MSL2: variants seen among roughly 807,000 people sequenced by gnomAD.
The protein encoded by MSL2 is E3 ubiquitin-protein ligase MSL2.
In MSL2, 2 loss-of-function variants were observed where a neutral mutation model predicts 35.8. The ratio of observed to expected loss-of-function variants is 0.06; its 90% CI spans 0.02 to 0.18. The LOEUF (loss-of-function observed/expected upper bound fraction) is 0.18. MSL2 is among the 10% of genes least tolerant of loss of function. The probability of loss-of-function intolerance (pLI) is 1.00; values close to 1 mark genes in which losing one functional copy is unlikely to be tolerated. For missense variants in MSL2, 523 were observed against 706.7 expected, an observed-to-expected ratio of 0.74 and a Z score of 2.95; for synonymous variants, 296 against 255.7, an observed-to-expected ratio of 1.16 and a Z score of -1.50.
At chr3:136,194,035 G>A (rs1046674769) in intron 1 of MSL2, among the ~76,000 whole-genome samples, 2 of 152,196 alleles carry the variant, frequency 1.3e-5, no homozygotes, top group African/African-American at 2.4e-5. Context: ...AAACCTTAAC[G>A]TGCCTGAATT....
At chr3:136,167,117 A>T (rs1204843821) in intron 1 of MSL2, among the ~76,000 whole-genome samples, 1 of 152,194 alleles carries the variant, frequency 6.6e-6, no homozygotes, top group Non-Finnish European at 1.5e-5. Flanking sequence ...ATTTGTTAAC[A>T]ACTAAAAATA....
intron 1 of MSL2, among the ~76,000 whole-genome samples, chr3:136,193,290 A>G (rs1940741308): frequency 6.6e-6 from 1 of 152,290 alleles, no homozygotes; most frequent in African/African-American, 2.4e-5. Flanking sequence ...GTTTTAGGAT[A>G]GTGGTGGTCT....
chr3:136,160,954 G>A (rs529237666), intron 1 of MSL2, among the ~76,000 whole-genome samples: 6 of 151,810 alleles, frequency 4.0e-5, no homozygotes, highest in Non-Finnish European at 5.9e-5. Context: ...AGGCATGGTG[G>A]TGCATGCCTG....
chr3:136,152,641 G>A lies in MSL2; in HGVS notation c.240C>T (p.Ser80=), dbSNP rs201226449. The A allele has an allele frequency of 2.5e-6, 4 of 1,614,190 alleles. No individual in the cohort carries two copies. The East Asian group carries it at 6.7e-5, about 27-fold the overall frequency. The change falls in exon 2 of 2, where the codon TCC becomes TCT. Residue 80 remains serine (S), a synonymous_variant. Transcript: ENST00000309993. ...CKGKKMMMKP[S]CSWCKDYEQF... is the part of the protein sequence containing the mutation. ...GCTCATAGTCTTTGCACCAGCTACA[G>A]GAAGGTTTCATCATCATTTTCTTGC...
In MSL2 at chr3:136,161,673, G is replaced by C. The variant is rs904987118; in HGVS notation, c.143-8935C>G. 1.8e-4 allele frequency among the ~76,000 whole-genome samples: 27 copies of C among 152,188 alleles called. 1 individual carries two copies. The highest frequency in any genetic ancestry group is 1.8e-4 in the Non-Finnish European group (12 of 68,038). On this transcript the variant is annotated intron_variant, in intron 1 of 1. Coordinates refer to ENST00000309993, the MANE Select transcript of MSL2 (RefSeq NM_018133.4). ...GAAATGATAGGAAAGCAGAAAAACA[G>C]TGGTTGCCTAGGGCTGAGAGTGGAG...
chr3:136,188,281 C>T (rs1940578882), intron 1 of MSL2, among the ~76,000 whole-genome samples: 1 of 151,870 alleles, frequency 6.6e-6, no homozygotes, highest in Non-Finnish European at 1.5e-5. Context: ...TAAAAATACA[C>T]TAATTAGCTA....
chr3:136,193,925 T>G (rs895089528), intron 1 of MSL2, among the ~76,000 whole-genome samples: 1 of 152,336 alleles, frequency 6.6e-6, no homozygotes, highest in Admixed American at 6.5e-5. Flanking sequence ...AGGATCTAGA[T>G]AGAGAATGCT....
chr3:136,170,893 A>T (rs1940006001), intron 1 of MSL2, among the ~76,000 whole-genome samples: 1 of 152,250 alleles, frequency 6.6e-6, no homozygotes, highest in African/African-American at 2.4e-5. Flanking sequence ...AATTTATAAA[A>T]GGAGGTAAAA....
chr3:136,171,639 T>C (rs928808181), intron 1 of MSL2, among the ~76,000 whole-genome samples: 2 of 152,148 alleles, frequency 1.3e-5, no homozygotes, highest in Non-Finnish European at 2.9e-5. Flanking sequence ...GTCTGACAAA[T>C]TTTGAGTAAA....
At chr3:136,194,942 T>C (rs1428377865) in intron 1 of MSL2, 30 bp downstream of exon 1, 6 of 1,612,726 alleles carry the variant, frequency 3.7e-6, no homozygotes, top group African/African-American at 2.7e-5. Context: ...AAAACAAGCA[T>C]TGAAAAGGGA....
chr3:136,155,633 T>A (rs769555883), intron 1 of MSL2: 19 of 373,906 alleles, frequency 5.1e-5, no homozygotes, highest in African/African-American at 8.4e-5. Flanking sequence ...CTTCCCAACC[T>A]GTGCCGCCCA....
chr3:136,182,249 T>C (rs1272119742), intron 1 of MSL2, among the ~76,000 whole-genome samples: 1 of 152,234 alleles, frequency 6.6e-6, no homozygotes, highest in Non-Finnish European at 1.5e-5. Flanking sequence ...TTGTATTTAC[T>C]TTTAATTAGA....
At chr3:136,184,650 T>C (rs1214015926) in intron 1 of MSL2, among the ~76,000 whole-genome samples, 2 of 146,672 alleles carry the variant, frequency 1.4e-5, no homozygotes, top group African/African-American at 5.0e-5. Flanking sequence ...CTGAACAACC[T>C]CCAGCGTACA....
chr3:136,183,863 A>G lies in MSL2; in HGVS notation c.142+11109T>C, dbSNP rs188189330. On this transcript the variant is annotated intron_variant, in intron 1 of 1. Transcript: ENST00000309993. ...AAAATAATGAACAATACTATCGACT[A>G]ACCTGTGAAAATGTTTTAACTGACC... is the stretch of plus-strand genomic sequence containing the variant. 2.6e-5 allele frequency among the ~76,000 whole-genome samples: 4 copies of G among 152,342 alleles called. No individual in the cohort carries two copies. The South Asian group carries it at 6.2e-4, about 24-fold the overall frequency.
At position 136,151,273 on chromosome 3, in the gene MSL2, C is replaced by T. The variant is rs1329471484; in HGVS notation, c.1608G>A (p.Val536=). The T allele has an allele frequency of 1.2e-6, 2 of 1,614,234 alleles. No homozygotes were observed. Among genetic ancestry groups the T allele is most frequent in the Admixed American group, 3.3e-5 (2 of 60,028 alleles). The change falls in exon 2 of 2, where the codon GTG becomes GTA. Residue 536 remains valine, a synonymous_variant. Transcript: ENST00000309993. This position sits in a 1 kb window ranked among gnomAD's most constrained non-coding sequence, Gnocchi z 5.2. ...TLGINVTSIA[V]RNASTSTSVI... The stretch of plus-strand genomic sequence containing the variant: ...CACTGGTGCTGGTACTAGCGTTACG[C>T]ACAGCAATGCTAGTCACGTTAATGC...
chr3:136,169,209 G>GT (rs1348003473), intron 1 of MSL2, among the ~76,000 whole-genome samples: 1 of 91,062 alleles, frequency 1.1e-5, no homozygotes, highest in Non-Finnish European at 2.2e-5. Context: ...GGCATGGCTT[G>GT]TTTTTGTTGT....
rs1559977320 is a variant in MSL2 at position 136,195,458 on chromosome 3, C to A, written c.-345G>T. 1 of 1,039,132 alleles carries A rather than the reference C, an allele frequency of 9.6e-7. No individual in the cohort carries two copies. Among genetic ancestry groups the A allele is most frequent in the Non-Finnish European group, 1.2e-6 (1 of 864,204 alleles). 64.4% of individuals were successfully genotyped at this position (1,039,132 alleles called of 1,614,324 possible). A position where few individuals can be genotyped will look rare whatever the true frequency, so the allele number is the denominator to read the frequency against. On this transcript the variant is annotated 5_prime_UTR_variant, in exon 1 of 2. Coordinates refer to ENST00000309993, the MANE Select transcript of MSL2 (RefSeq NM_018133.4). The stretch of plus-strand genomic sequence containing the variant: ...TCTAGCCCCGCGGCTCGGCAGGCGG[C>A]CTGCACTCGAGCTCCATCTCCGGAC...
intron 1 of MSL2, among the ~76,000 whole-genome samples, chr3:136,164,503 T>G (rs1939786525): frequency 6.6e-6 from 1 of 152,202 alleles, no homozygotes; most frequent in South Asian, 2.1e-4. Flanking sequence ...TCTTCAAAGT[T>G]TCCCCAAGGG....
chr3:136,190,782 TCTGATAAAG>T (rs930891255), intron 1 of MSL2, among the ~76,000 whole-genome samples: 141 of 152,308 alleles, frequency 9.3e-4, no homozygotes, highest in African/African-American at 3.3e-3. Flanking sequence ...AATTCTACTT[TCTGATAAAG>T]CAAGTCCAAC....
Sources: gnomAD v4.1 joint callset for allele counts (sites outside exome capture counted in the v4.1 genomes callset) on GRCh38, gnomAD v4.1.1 for gene constraint, Gnocchi (gnomAD v3.1) non-coding constraint, MANE v1.5 for transcripts, NCBI Gene and HGNC (gene_info 2026-07-23, HGNC 2026-07-21) for gene names.